The following KAZN variants were observed in gnomAD, a reference collection of about 807,000 sequenced individuals.
KAZN encodes the protein kazrin.
Under a neutral mutation model 87.4 loss-of-function variants are expected in KAZN, and 40 were observed. That is an observed-to-expected ratio of 0.46 (90% CI 0.36 to 0.60). The LOEUF is 0.60. KAZN is among the 20% of genes least tolerant of loss of function. KAZN has a pLI of 0.00. For missense variants in KAZN, 898 were observed against 1,073.9 expected (o/e 0.84, Z 2.29); for synonymous variants, 466 against 458.3 (o/e 1.02, Z -0.22).
rs1003945255 is a variant in KAZN, at chr1:14,392,087, G to A, written c.250-206896G>A. ...AACAACAGATTCCTTTAACTTTAAG[G>A]GAGGTGTGAAGAGTGTAGCCAAGAT... is the stretch of plus-strand genomic sequence containing the variant. On this transcript the variant is annotated intron_variant, in intron 2 of 16. Coordinates refer to the KAZN transcript ENST00000636203. Among the ~76,000 whole-genome samples, 5 of 152,242 alleles carry A rather than the reference G, an allele frequency of 3.3e-5. No homozygotes were observed. In the South Asian group the frequency reaches 6.2e-4, roughly 19 times the overall value.
At chr1:14,837,613 C>G (rs549141223) in intron 1 of KAZN, among the ~76,000 whole-genome samples, 2 of 146,672 alleles carry the variant, frequency 1.4e-5, no homozygotes, top group African/African-American at 5.1e-5. Flanking sequence ...AGTGCAATAG[C>G]GCAATCATAG....
chr1:14,257,682 T>A (rs550336976), intron 2 of KAZN, among the ~76,000 whole-genome samples: 12 of 149,832 alleles, frequency 8.0e-5, no homozygotes, highest in African/African-American at 2.9e-4. Flanking sequence ...TTCAGCTTTC[T>A]ACATATGGCT....
chr1:14,416,083 C>T (rs1222909659), intron 2 of KAZN, among the ~76,000 whole-genome samples: 1 of 152,198 alleles, frequency 6.6e-6, no homozygotes, highest in African/African-American at 2.4e-5. Flanking sequence ...TCTCCTGCTT[C>T]ATGAACTTAA....
chr1:14,569,513 G>A (rs191337937), intron 2 of KAZN, among the ~76,000 whole-genome samples: 6 of 151,520 alleles, frequency 4.0e-5, no homozygotes, highest in Admixed American at 2.0e-4. Context: ...TAGTAGAGAC[G>A]GGGTTTCACC....
intron 2 of KAZN, among the ~76,000 whole-genome samples, chr1:14,245,495 C>T (rs1426636568): frequency 6.6e-6 from 1 of 152,202 alleles, no homozygotes; most frequent in East Asian, 1.9e-4. Context: ...CTGAATTAAA[C>T]ACTTCGGCAG....
At chr1:14,375,896 A>C (rs201412730) in intron 2 of KAZN, among the ~76,000 whole-genome samples, 208 of 151,838 alleles carry the variant, frequency 1.4e-3, no homozygotes, top group African/African-American at 4.9e-3. Flanking sequence ...TCAAAAACAA[A>C]AAAAAAAAAA....
At chr1:14,351,196 C>T (rs972183124) in intron 2 of KAZN, among the ~76,000 whole-genome samples, 11 of 152,180 alleles carry the variant, frequency 7.2e-5, no homozygotes, top group East Asian at 5.8e-4. Context: ...TTCATCATTT[C>T]GCCAGCAGCC....
intron 2 of KAZN, among the ~76,000 whole-genome samples, chr1:14,190,150 A>G (rs1201717978): frequency 1.3e-5 from 2 of 152,204 alleles, no homozygotes; most frequent in Admixed American, 6.5e-5. Flanking sequence ...AAGTACATCA[A>G]TTCAGCTGGT....
chr1:14,593,953 G>A (rs1676345804), upstream of KAZN, among the ~76,000 whole-genome samples: 1 of 152,172 alleles, frequency 6.6e-6, no homozygotes, highest in African/African-American at 2.4e-5. Flanking sequence ...GAAGACCCTG[G>A]TTAAATTCTT....
intron 2 of KAZN, among the ~76,000 whole-genome samples, chr1:14,490,699 A>G (rs1669602256): frequency 6.6e-6 from 1 of 152,010 alleles, no homozygotes; most frequent in Non-Finnish European, 1.5e-5. Context: ...TTGTTTTTTA[A>G]TGGTTATATT....
rs1238699259 is a variant in KAZN, at chr1:15,096,505, GT to G, written c.1547+1573del. Among the ~76,000 whole-genome samples the G allele has an allele frequency of 6.6e-6, 1 of 152,210 alleles. No individual in the cohort carries two copies. Among genetic ancestry groups the G allele is most frequent in the African/African-American group, 2.4e-5 (1 of 41,450 alleles). ...TCGTCCCCCAGCATGGCCTGCACTTGTGTGTTGCACAACACAGCCCCTAAAT... is the reference window on the plus strand; with the variant it reads ...TCGTCCCCCAGCATGGCCTGCACTTGGTGTTGCACAACACAGCCCCTAAAT... On this transcript the variant is annotated intron_variant, in intron 10 of 14. Transcript: ENST00000376030. The surrounding 1 kb of genome is among the most constrained non-coding windows in gnomAD (Gnocchi z 4.5).
intron 1 of KAZN, among the ~76,000 whole-genome samples, chr1:14,635,105 T>C (rs1222628705): frequency 6.6e-6 from 1 of 152,210 alleles, no homozygotes; most frequent in Non-Finnish European, 1.5e-5. Context: ...AATGCCAAGT[T>C]GTTTGTACTG....
intron 2 of KAZN, among the ~76,000 whole-genome samples, chr1:14,333,046 T>G (rs190945550): frequency 2.3e-3 from 354 of 152,126 alleles, no homozygotes; most frequent in African/African-American, 8.3e-3. Context: ...CCCATCCCAC[T>G]CCCTGACAGG....
At chr1:14,897,456 C>T (rs1655396521) in intron 1 of KAZN, among the ~76,000 whole-genome samples, 1 of 152,014 alleles carries the variant, frequency 6.6e-6, no homozygotes, top group African/African-American at 2.4e-5. Context: ...TAGAGAGGAC[C>T]CCAATAAGCT....
chr1:14,812,086 C>T (rs1646428891), intron 1 of KAZN, among the ~76,000 whole-genome samples: 1 of 152,178 alleles, frequency 6.6e-6, no homozygotes, highest in Non-Finnish European at 1.5e-5. Flanking sequence ...ACACCGAGAG[C>T]TGTCACATCT....
chr1:14,819,360 T>C (rs2100818184), intron 1 of KAZN, among the ~76,000 whole-genome samples: 1 of 152,294 alleles, frequency 6.6e-6, no homozygotes, highest in Middle Eastern at 3.4e-3. Flanking sequence ...AGTTGTTCCA[T>C]CAAACACGAG....
chr1:15,036,174 A>G (rs1429277192), intron 3 of KAZN, among the ~76,000 whole-genome samples: 1 of 144,954 alleles, frequency 6.9e-6, no homozygotes, highest in African/African-American at 2.6e-5. Context: ...AGCTGCCCTC[A>G]GTGCCCGACT....
At chr1:14,116,361 G>T (rs1644617941) in intron 1 of KAZN, among the ~76,000 whole-genome samples, 1 of 152,206 alleles carries the variant, frequency 6.6e-6, no homozygotes, top group East Asian at 1.9e-4. Context: ...CTCCATCCCA[G>T]CTGCTCCAGC....
chr1:14,791,302 T>G (rs1645666591), intron 1 of KAZN, among the ~76,000 whole-genome samples: 1 of 152,198 alleles, frequency 6.6e-6, no homozygotes, highest in South Asian at 2.1e-4. Flanking sequence ...TAAGTGGCTT[T>G]GGAGGAGGGC....
Sources: allele counts gnomAD v4.1 joint callset (sites outside exome capture counted in the v4.1 genomes callset), GRCh38; gene constraint gnomAD v4.1.1; non-coding constraint Gnocchi (gnomAD v3.1); transcripts MANE v1.5; gene names NCBI Gene and HGNC (gene_info 2026-07-23, HGNC 2026-07-21).